The following BCL2L11 variants were observed in gnomAD, a reference collection of about 807,000 sequenced individuals.
BCL2L11 encodes the protein BCL2 like 11.
BCL2L11 carries 15 observed loss-of-function variants against 20.6 expected under a neutral mutation model. That is an observed-to-expected ratio of 0.73 (90% confidence interval 0.49 to 1.12). The LOEUF is 1.12. Ranked by LOEUF, BCL2L11 falls within the 50% of genes most tolerant of loss-of-function variation. The pLI, the probability that BCL2L11 is intolerant of heterozygous loss-of-function variation, is 0.00. For synonymous variants in BCL2L11, 108 were observed against 92.8 expected, an observed-to-expected ratio of 1.16 and a Z score of -0.94; for missense variants, 292 against 260.9, an observed-to-expected ratio of 1.12 and a Z score of -0.82.
intron 3 of BCL2L11, among the ~76,000 whole-genome samples, chr2:111,153,580 T>A (rs1389486497): frequency 6.6e-6 from 1 of 152,188 alleles, no homozygotes; most frequent in Non-Finnish European, 1.5e-5. Context: ...GAATTCAAAT[T>A]ACCTGCTGTC....
At chr2:111,123,222 T>TA in intron 1 of BCL2L11, 2 of 985,460 alleles carry the variant, frequency 2.0e-6, no homozygotes, top group Non-Finnish European at 2.4e-6. Flanking sequence ...GTGACGCACT[T>TA]ACTACGACTG....
intron 2 of BCL2L11, among the ~76,000 whole-genome samples, chr2:111,147,921 G>A (rs151012305): frequency 6.6e-6 from 1 of 152,324 alleles, no homozygotes; most frequent in East Asian, 1.9e-4. Context: ...GCAGGGCATG[G>A]CCTCCTTTGT....
At chr2:111,151,351 A>G (rs965600148) in intron 3 of BCL2L11, among the ~76,000 whole-genome samples, 11 of 152,250 alleles carry the variant, frequency 7.2e-5, no homozygotes, top group Admixed American at 5.2e-4. Context: ...CCTCATATAA[A>G]GGTATTAATT....
chr2:111,155,116 C>G (rs909794625), intron 3 of BCL2L11, among the ~76,000 whole-genome samples: 1 of 152,114 alleles, frequency 6.6e-6, no homozygotes, highest in Admixed American at 6.5e-5. Context: ...AGTAGGGAGG[C>G]TATTGGTAAA....
chr2:111,123,092 C>T (rs2071540677), intron 1 of BCL2L11: 2 of 976,334 alleles, frequency 2.0e-6, no homozygotes, highest in South Asian at 4.7e-5. Flanking sequence ...TCACGGTGTG[C>T]ACCTCAGAGA....
chr2:111,140,114 CAT>C (rs1226251396), intron 2 of BCL2L11, among the ~76,000 whole-genome samples: 6 of 152,194 alleles, frequency 3.9e-5, no homozygotes, highest in African/African-American at 1.4e-4. Flanking sequence ...GGGATTTGGA[CAT>C]GAGTCTGGGC....
At chr2:111,127,654 T>A (rs1244940327) in intron 2 of BCL2L11, among the ~76,000 whole-genome samples, 1 of 152,122 alleles carries the variant, frequency 6.6e-6, no homozygotes, top group Non-Finnish European at 1.5e-5. Context: ...AAAAAGATCC[T>A]GACCTCTGCT....
intron 2 of BCL2L11, among the ~76,000 whole-genome samples, chr2:111,144,166 ACT>A (rs1454352637): frequency 2.6e-5 from 4 of 152,228 alleles, no homozygotes; most frequent in Non-Finnish European, 5.9e-5. Context: ...TTTTTGAAGC[ACT>A]GTCTTGAATT....
chr2:111,147,470 A>C lies in BCL2L11; in HGVS notation c.395-2574A>C, dbSNP rs78877427. Reference sequence around the variant, plus strand: ...TTAGGCTAATTAATGTTAACTACTGAACTTTTCTTTTTGTACAAGAAACAG... The same window carrying C: ...TTAGGCTAATTAATGTTAACTACTGCACTTTTCTTTTTGTACAAGAAACAG... On this transcript the variant is annotated intron_variant, in intron 2 of 3. Coordinates refer to ENST00000393256, the MANE Select transcript of BCL2L11 (RefSeq NM_138621.5). 2.6e-3 allele frequency among the ~76,000 whole-genome samples: 397 copies of C among 152,122 alleles called. 3 individuals carry two copies. The highest frequency in any genetic ancestry group is 9.2e-3 in the African/African-American group (383 of 41,484).
chr2:111,130,054 G>A, intron 2 of BCL2L11: 1 of 361,490 alleles, frequency 2.8e-6, no homozygotes. Flanking sequence ...CAAGGCCCTG[G>A]CACAGCTGGA....
chr2:111,139,998 C>T (rs572989882), intron 2 of BCL2L11, among the ~76,000 whole-genome samples: 3 of 152,344 alleles, frequency 2.0e-5, no homozygotes, highest in Admixed American at 1.3e-4. Context: ...TTCAGTCACA[C>T]ATCTTGCGCT....
intron 1 of BCL2L11, chr2:111,123,188 C>A (rs988752897): frequency 4.1e-5 from 40 of 985,358 alleles, no homozygotes; most frequent in Non-Finnish European, 4.8e-5. Context: ...CGGGCCGAGC[C>A]GCGCTGGAGT....
At chr2:111,145,288 C>T (rs1004555780) in intron 2 of BCL2L11, among the ~76,000 whole-genome samples, 1 of 152,120 alleles carries the variant, frequency 6.6e-6, no homozygotes, top group African/African-American at 2.4e-5. Context: ...CCCCTGCCAC[C>T]CAGTACACAC....
At chr2:111,122,654 G>A (rs1325028984) in intron 1 of BCL2L11, 3 of 983,764 alleles carry the variant, frequency 3.0e-6, no homozygotes, top group Non-Finnish European at 3.6e-6. Context: ...GGAGGCGGAG[G>A]ATGTTCCCGG....
In BCL2L11 at chr2:111,164,902, AC is replaced by A. The variant is rs1404260984; in HGVS notation, c.*673del. 2 of 152,398 alleles carry A rather than the reference AC, an allele frequency of 1.3e-5. No individual in the cohort carries two copies. The highest frequency in any genetic ancestry group is 4.8e-5 in the African/African-American group (2 of 41,456). The allele number at this position is 152,398 out of a possible 1,614,324, so 9.4% of individuals were successfully genotyped here. On this transcript the variant is annotated 3_prime_UTR_variant, in exon 4 of 4. Transcript: ENST00000393256. ...CAGTCCCATTTGTAAATATTTACGT[AC>A]CTTTATAAATTCAGTTGCATCTGTG...
rs550573604 is a variant in BCL2L11 at position 111,122,608 on chromosome 2, C to T, written c.-13-1125C>T. ...GGCGCGGGGAGGTCGGCGGTGCCGG[C>T]GGCGGCGGGCGCAGAGCGCGAGGGG... On this transcript the variant is annotated intron_variant, in intron 1 of 3. Coordinates refer to ENST00000393256, the MANE Select transcript of BCL2L11 (RefSeq NM_138621.5). 4 of 984,456 alleles carry T rather than the reference C, an allele frequency of 4.1e-6. No homozygotes were observed. In the East Asian group the frequency reaches 3.4e-4, roughly 84 times the overall value. The allele number at this position is 984,456 out of a possible 1,614,324, so 61.0% of individuals were successfully genotyped here. A position where few individuals can be genotyped will look rare whatever the true frequency, so the allele number is the denominator to read the frequency against.
In BCL2L11 at chr2:111,121,039, C is replaced by A. The variant is rs1291484706; in HGVS notation, c.-163C>A. The A allele has an allele frequency of 7.7e-6, 3 of 388,362 alleles. 1 individual carries two copies. Among genetic ancestry groups the A allele is most frequent in the Non-Finnish European group, 1.4e-5 (3 of 218,158 alleles). The allele number at this position is 388,362 out of a possible 1,614,324, so 24.1% of individuals were successfully genotyped here. On this transcript the variant is annotated 5_prime_UTR_variant, in exon 1 of 4. Transcript: ENST00000393256. Reference sequence around the variant, plus strand: ...CCGCCGCCACTACCACCACTTGATTCTTGCAGCCACCCTGCGAACCCTGCC... The same window carrying A: ...CCGCCGCCACTACCACCACTTGATTATTGCAGCCACCCTGCGAACCCTGCC...
Position 111,141,241 on chromosome 2 carries a change from A to G in BCL2L11, c.395-8803A>G, listed in dbSNP as rs560574308. Among the ~76,000 whole-genome samples, 27 of 152,152 alleles carry G rather than the reference A, an allele frequency of 1.8e-4. No homozygotes were observed. The South Asian group carries it at 5.4e-3, about 30-fold the overall frequency. On this transcript the variant is annotated intron_variant, in intron 2 of 3. Coordinates refer to ENST00000393256, the MANE Select transcript of BCL2L11 (RefSeq NM_138621.5). ...TATGTTTATTGCGGCATTATTCACA[A>G]TAGCAAAGACTTGGAACCAACCCAA...
chr2:111,123,317 C>T (rs2071651056), intron 1 of BCL2L11: 1 of 985,508 alleles, frequency 1.0e-6, no homozygotes, highest in Non-Finnish European at 1.2e-6. Context: ...CGCGGCCAGC[C>T]GCCTGCAATC....
Sources: gnomAD v4.1 joint callset for allele counts (sites outside exome capture counted in the v4.1 genomes callset) on GRCh38, gnomAD v4.1.1 for gene constraint, MANE v1.5 for transcripts, NCBI Gene and HGNC (gene_info 2026-07-23, HGNC 2026-07-21) for gene names.